The following SUV39H1 variants were observed in gnomAD, a reference collection of about 807,000 sequenced individuals.
SUV39H1 encodes SUV39H1 histone lysine methyltransferase.
For missense variants in SUV39H1, 180 were observed against 386.3 expected (o/e 0.47, Z 4.48); for synonymous variants, 141 against 150.5 (o/e 0.94, Z 0.46).
intron 2 of SUV39H1, among the ~76,000 whole-genome samples, chrX:48,699,766 A>G (rs57452332): frequency 0.027 from 3,033 of 110,905 alleles, 51 homozygotes; most frequent in East Asian, 0.08. Flanking sequence ...AACAAAAGAG[A>G]AGTCAAGGAT....
At chrX:48,703,290 A>T (rs1325359552) in intron 3 of SUV39H1, among the ~76,000 whole-genome samples, 1 of 112,113 alleles carries the variant, frequency 8.9e-6, no homozygotes, top group Non-Finnish European at 1.9e-5. Flanking sequence ...ACTTGGGGTA[A>T]TAGTCATACA....
At chrX:48,696,991 G>A (rs1213231504) in intron 1 of SUV39H1, among the ~76,000 whole-genome samples, 188 bp downstream of exon 1, 1 of 108,492 alleles carries the variant, frequency 9.2e-6, no homozygotes, top group Non-Finnish European at 1.9e-5. Flanking sequence ...AGGGGAGGGG[G>A]CGCGCGCCTC....
Position 48,700,361 on chromosome X carries a change from A to G in SUV39H1, c.436A>G (p.Thr146Ala), listed in dbSNP as rs781925352. Residue 146 changes from threonine (T) to alanine (A), a missense_variant, in exon 3 of 6, where the codon ACT becomes GCT. Coordinates refer to ENST00000376687, the MANE Select transcript of SUV39H1 (RefSeq NM_003173.4). ...CAAGCGCAGCCATCTGGGACGCATC[A>G]CTGTAGAGAATGAGGTGGACCTGGA... ...NAKRSHLGRITVENEVDLDGP... is the reference protein window; with the variant it reads ...NAKRSHLGRIAVENEVDLDGP... 2 of 1,212,020 alleles carry G rather than the reference A, an allele frequency of 1.7e-6. No homozygotes were observed. Among genetic ancestry groups the G allele is most frequent in the South Asian group, 1.8e-5 (1 of 57,016 alleles).
upstream of SUV39H1, chrX:48,695,728 T>C (rs2062452279): frequency 1.7e-6 from 2 of 1,146,121 alleles, no homozygotes; most frequent in African/African-American, 1.8e-5. Context: ...AAAATCGGCA[T>C]AGCTGTCTGA....
chrX:48,701,235 G>A (rs1045337229), intron 3 of SUV39H1, among the ~76,000 whole-genome samples: 1 of 112,172 alleles, frequency 8.9e-6, no homozygotes, highest in South Asian at 3.6e-4. Context: ...ACAAAGGTTG[G>A]CTAACTCCTT....
Position 48,700,075 on chromosome X carries a change from T to C in SUV39H1, c.166-16T>C. Reference sequence around the variant, plus strand: ...ACTACTTACGGTACCCCCGTCCCCCTACCCACCCCCAACAGGAACAGGAAT... The same window carrying C: ...ACTACTTACGGTACCCCCGTCCCCCCACCCACCCCCAACAGGAACAGGAAT... On this transcript the variant is annotated splice_polypyrimidine_tract_variant and intron_variant, in intron 2 of 5. Transcript: ENST00000376687. The C allele has an allele frequency of 5.0e-5, 24 of 484,053 alleles. No homozygotes were observed. Among genetic ancestry groups the C allele is most frequent in the Admixed American group, 8.6e-5 (3 of 34,768 alleles). 39.9% of individuals were successfully genotyped at this position (484,053 alleles called of 1,213,427 possible). A position where few individuals can be genotyped will look rare whatever the true frequency, so the allele number is the denominator to read the frequency against.
chrX:48,699,942 T>G (rs2147273121), intron 2 of SUV39H1, 149 bp from the exon 3 acceptor site: 1 of 482,412 alleles, frequency 2.1e-6, no homozygotes, highest in South Asian at 3.5e-5. Context: ...CTAGAGCCCA[T>G]GCTTTTTAAT....
intron 1 of SUV39H1, among the ~76,000 whole-genome samples, 167 bp downstream of exon 1, chrX:48,696,970 G>C (rs1465820156): frequency 9.2e-6 from 1 of 108,364 alleles, no homozygotes; most frequent in Non-Finnish European, 1.9e-5. Context: ...GCGCGGGGCT[G>C]GGCGGGGCTC....
intron 3 of SUV39H1, among the ~76,000 whole-genome samples, chrX:48,704,887 G>A (rs937959988): frequency 2.7e-5 from 3 of 111,496 alleles, no homozygotes; most frequent in Non-Finnish European, 3.8e-5. Flanking sequence ...TGATCAGACC[G>A]TGAGCCCTGC....
At chrX:48,703,631 A>C (rs1352091822) in intron 3 of SUV39H1, among the ~76,000 whole-genome samples, 1 of 112,543 alleles carries the variant, frequency 8.9e-6, no homozygotes, top group Non-Finnish European at 1.9e-5. Context: ...TAATTAAATC[A>C]TGGTGTATCA....
chrX:48,706,377 A>G lies in SUV39H1; in HGVS notation c.941A>G (p.Tyr314Cys). Residue 314 changes from tyrosine to cysteine, a missense_variant, in exon 4 of 6, where the codon TAC (tyrosine) becomes TGC (cysteine). By Grantham distance (194) the Tyr-to-Cys change is radical. Transcript: ENST00000376687. The stretch of plus-strand genomic sequence containing the variant: ...GACGTGTACACCGTGGATGCCGCCT[A>G]CTATGGCAACATCTCCCACTTTGTC... ...VEDVYTVDAA[Y>C]YGNISHFVNH... 5 of 1,211,307 alleles carry G rather than the reference A, an allele frequency of 4.1e-6. No homozygotes were observed. Among genetic ancestry groups the G allele is most frequent in the South Asian group, 1.8e-5 (1 of 56,904 alleles).
At chrX:48,698,642 A>G (rs782749505) in intron 1 of SUV39H1, among the ~76,000 whole-genome samples, 36 of 111,834 alleles carry the variant, frequency 3.2e-4, no homozygotes, top group Non-Finnish European at 5.8e-4. Context: ...AGCTCTGGAA[A>G]TAGATTCCTT....
chrX:48,704,101 G>A (rs1270321924), intron 3 of SUV39H1, among the ~76,000 whole-genome samples: 1 of 110,144 alleles, frequency 9.1e-6, no homozygotes, highest in Non-Finnish European at 1.9e-5. Flanking sequence ...CACCCTCTCG[G>A]AACTGCCAGC....
At chrX:48,695,828 G>A, upstream of SUV39H1, 1 of 1,156,112 alleles carries the variant, frequency 8.6e-7, no homozygotes, top group Non-Finnish European at 1.1e-6. Flanking sequence ...CAATGGTGGG[G>A]ATGAGTCGCC....
Position 48,700,700 on chromosome X carries a change from C to T in SUV39H1, c.775C>T (p.Arg259Cys). The T allele has an allele frequency of 1.7e-6, 2 of 1,211,659 alleles. No homozygotes were observed. Among genetic ancestry groups the T allele is most frequent in the Non-Finnish European group, 2.2e-6 (2 of 895,355 alleles). The change falls in exon 3 of 6, where the codon CGC becomes TGC. Residue 259 changes from arginine to cysteine, a missense_variant. Transcript: ENST00000376687. ...GGATGATGGGCGTGGCTGGGGCGTC[C>T]GCACCCTGGAGAAGATTCGCAAGAA... The part of the protein sequence containing the change: ...RTDDGRGWGV[R>C]TLEKIRKNSF...
intron 3 of SUV39H1, among the ~76,000 whole-genome samples, chrX:48,701,194 G>A (rs1300664305): frequency 1.8e-5 from 2 of 111,865 alleles, no homozygotes; most frequent in Non-Finnish European, 3.8e-5. Flanking sequence ...CAGAAGGAAC[G>A]CAGTCTGGAG....
chrX:48,699,172 C>T, intron 2 of SUV39H1, 125 bp downstream of exon 2: 1 of 769,470 alleles, frequency 1.3e-6, no homozygotes, highest in South Asian at 3.1e-5. Context: ...CCTGAAAACA[C>T]AGGATGAATA....
intron 3 of SUV39H1, 27 bp downstream of exon 3, chrX:48,700,780 G>A (rs2062472383): frequency 8.3e-7 from 1 of 1,197,981 alleles, no homozygotes; most frequent in Non-Finnish European, 1.1e-6. Context: ...CGGTGTGTGT[G>A]TGCAGCTCTT....
intron 5 of SUV39H1, 101 bp downstream of exon 5, chrX:48,706,728 C>A: frequency 1.0e-6 from 1 of 991,351 alleles, no homozygotes. Context: ...AAGGAAAATT[C>A]TTTAGCGGGA....
Sources: gnomAD v4.1 joint callset for allele counts (sites outside exome capture counted in the v4.1 genomes callset) on GRCh38, gnomAD v4.1.1 for gene constraint, MANE v1.5 for transcripts, NCBI Gene and HGNC (gene_info 2026-07-23, HGNC 2026-07-21) for gene names.